The following IMMP2L variants were observed in gnomAD, a reference collection of about 807,000 sequenced individuals.
The protein encoded by IMMP2L is inner mitochondrial membrane peptidase subunit 2, also known as mitochondrial inner membrane protease subunit 2.
A neutral mutation model predicts 19.3 loss-of-function variants in IMMP2L; 18 were observed. The observed-to-expected ratio is 0.93, with a 90% CI of 0.64 to 1.38. IMMP2L has a LOEUF of 1.38. Among genes scored for constraint, IMMP2L ranks in the 40% most tolerant of loss-of-function variants. The probability of loss-of-function intolerance (pLI) is 0.00; values close to 1 mark genes in which losing one functional copy is unlikely to be tolerated. For synonymous variants in IMMP2L, 76 were observed against 73.0 expected, an observed-to-expected ratio of 1.04 and a Z score of -0.21; for missense variants, 233 against 218.2, an observed-to-expected ratio of 1.07 and a Z score of -0.43.
In IMMP2L at chr7:110,877,521, C is replaced by A. The variant is rs1427892580; in HGVS notation, c.408+9072G>T. On this transcript the variant is annotated intron_variant, in intron 5 of 5. Transcript: ENST00000405709. This position sits in a 1 kb window ranked among gnomAD's most constrained non-coding sequence, Gnocchi z 4.0. ...CAGCCTGTGCCAAAATACAAAAATG[C>A]AAAACCAAATGGTGAATTTATGGAA... is the stretch of plus-strand genomic sequence containing the variant. Among the ~76,000 whole-genome samples, 3 of 152,064 alleles carry A rather than the reference C, an allele frequency of 2.0e-5. No individual in the cohort carries two copies. Among genetic ancestry groups the A allele is most frequent in the Admixed American group, 2.0e-4 (3 of 15,238 alleles).
intron 5 of IMMP2L, among the ~76,000 whole-genome samples, chr7:110,844,406 A>T (rs553869975): frequency 6.6e-6 from 1 of 152,246 alleles, no homozygotes; most frequent in East Asian, 1.9e-4. Context: ...TTCAGACAGC[A>T]GCAATTGCAA....
intron 5 of IMMP2L, among the ~76,000 whole-genome samples, chr7:110,814,845 A>C (rs1802345792): frequency 6.6e-6 from 1 of 151,830 alleles, no homozygotes; most frequent in Non-Finnish European, 1.5e-5. Flanking sequence ...ACAATACTTA[A>C]CTTGTTAATA....
chr7:111,505,644 A>G (rs1844810087), intron 2 of IMMP2L, among the ~76,000 whole-genome samples: 1 of 152,188 alleles, frequency 6.6e-6, no homozygotes, highest in Admixed American at 6.5e-5. Context: ...GCAGCCATAA[A>G]AAATGATGAG....
At position 110,662,664 on chromosome 7, in the gene IMMP2L, C is replaced by G. The variant is rs932757068; in HGVS notation, c.*938G>C. 4.6e-5 allele frequency among the ~76,000 whole-genome samples: 7 copies of G among 152,132 alleles called. No homozygotes were observed. The highest frequency in any genetic ancestry group is 8.8e-5 in the Non-Finnish European group (6 of 68,014). On this transcript the variant is annotated 3_prime_UTR_variant, in exon 6 of 6. Transcript: ENST00000405709. The stretch of plus-strand genomic sequence containing the variant: ...TGGACTTAGATGCAGGGAATTTATT[C>G]CATTATCCATACAAATTACAGACTC...
chr7:111,466,221 TGTTAAATGACAAGTTAAC>T (rs1211467137), intron 3 of IMMP2L, among the ~76,000 whole-genome samples: 10 of 152,156 alleles, frequency 6.6e-5, no homozygotes, highest in African/African-American at 1.7e-4. Flanking sequence ...ATACACCTAA[TGTTAAATGACAAGTTAAC>T]GTTAAATGAC....
chr7:111,006,471 T>C (rs1308545365), intron 3 of IMMP2L, among the ~76,000 whole-genome samples: 1 of 152,158 alleles, frequency 6.6e-6, no homozygotes, highest in African/African-American at 2.4e-5. Context: ...CAAAAGCATT[T>C]TCCCATAATA....
intron 3 of IMMP2L, among the ~76,000 whole-genome samples, chr7:111,401,564 T>G (rs905815352): frequency 6.6e-5 from 10 of 152,198 alleles, no homozygotes; most frequent in Admixed American, 5.9e-4. Flanking sequence ...AGTCATGTCC[T>G]TTCCAAAGAA....
intron 3 of IMMP2L, among the ~76,000 whole-genome samples, chr7:111,104,861 GA>G (rs1396450533): frequency 6.6e-6 from 1 of 151,744 alleles, no homozygotes; most frequent in Non-Finnish European, 1.5e-5. Flanking sequence ...ATGGCTTCTA[GA>G]ACAGTGGGGA....
intron 5 of IMMP2L, among the ~76,000 whole-genome samples, chr7:110,782,891 A>G (rs1198941595): frequency 6.6e-6 from 1 of 151,944 alleles, no homozygotes; most frequent in Non-Finnish European, 1.5e-5. Flanking sequence ...GAAAGATCAG[A>G]AAAGATCCTG....
chr7:111,493,800 G>T (rs931897252), intron 2 of IMMP2L, among the ~76,000 whole-genome samples: 8 of 151,260 alleles, frequency 5.3e-5, no homozygotes, highest in African/African-American at 9.7e-5. Context: ...GAGGTCAGGA[G>T]ATCGAGATCA....
At chr7:111,374,957 C>T (rs534019385) in intron 3 of IMMP2L, among the ~76,000 whole-genome samples, 30 of 151,994 alleles carry the variant, frequency 2.0e-4, no homozygotes, top group Non-Finnish European at 3.7e-4. Flanking sequence ...TATGATATCA[C>T]GATGTATCAA....
At chr7:110,976,898 C>T (rs1248710082) in intron 3 of IMMP2L, among the ~76,000 whole-genome samples, 1 of 151,950 alleles carries the variant, frequency 6.6e-6, no homozygotes, top group Non-Finnish European at 1.5e-5. Flanking sequence ...GTACAAAAAT[C>T]TAAAATTTCC....
At chr7:111,033,683 G>A (rs1487763566) in intron 3 of IMMP2L, among the ~76,000 whole-genome samples, 2 of 152,270 alleles carry the variant, frequency 1.3e-5, no homozygotes, top group African/African-American at 2.4e-5. Flanking sequence ...AACCATTAAT[G>A]TATATTGCTT....
intron 5 of IMMP2L, among the ~76,000 whole-genome samples, chr7:110,741,947 T>C (rs1167254818): frequency 2.0e-5 from 3 of 152,160 alleles, no homozygotes; most frequent in Non-Finnish European, 2.9e-5. Flanking sequence ...AAAATAATCA[T>C]AGAATCTAGA....
In IMMP2L at chr7:111,394,630, G is replaced by T. The variant is rs138773482; in HGVS notation, c.239+92608C>A. On this transcript the variant is annotated intron_variant, in intron 3 of 5. Coordinates refer to ENST00000405709, the MANE Select transcript of IMMP2L (RefSeq NM_032549.4). ...AATAAGTTAGTTCTTTCATCTCAAA[G>T]AAATAAGTAAATAAATAAAGTAATA... 6.9e-3 allele frequency among the ~76,000 whole-genome samples: 1,054 copies of T among 152,066 alleles called. 12 individuals are homozygous for T. The highest frequency in any genetic ancestry group is 0.022 in the African/African-American group (931 of 41,498).
At chr7:110,856,011 T>A (rs1273158119) in intron 5 of IMMP2L, among the ~76,000 whole-genome samples, 1 of 152,054 alleles carries the variant, frequency 6.6e-6, no homozygotes, top group Non-Finnish European at 1.5e-5. Flanking sequence ...CAAATTCAGC[T>A]ATAAGTTTTG....
intron 5 of IMMP2L, among the ~76,000 whole-genome samples, chr7:110,678,056 C>G (rs781229736): frequency 2.0e-5 from 3 of 152,144 alleles, no homozygotes; most frequent in Non-Finnish European, 4.4e-5. Flanking sequence ...AGGAATATTT[C>G]CTGTAGACAA....
At chr7:110,802,148 T>C (rs1801295976) in intron 5 of IMMP2L, among the ~76,000 whole-genome samples, 3 of 152,088 alleles carry the variant, frequency 2.0e-5, no homozygotes, top group Admixed American at 2.0e-4. Context: ...TGAATATAGA[T>C]AAGAATCCTT....
intron 3 of IMMP2L, among the ~76,000 whole-genome samples, chr7:111,147,798 T>C (rs916300676): frequency 4.6e-5 from 7 of 152,066 alleles, no homozygotes; most frequent in Admixed American, 2.6e-4. Flanking sequence ...ACACAAACAA[T>C]TGTCAAAATA....
Sources: allele counts gnomAD v4.1 joint callset (sites outside exome capture counted in the v4.1 genomes callset), GRCh38; gene constraint gnomAD v4.1.1; non-coding constraint Gnocchi (gnomAD v3.1); transcripts MANE v1.5; gene names NCBI Gene and HGNC (gene_info 2026-07-23, HGNC 2026-07-21).